The following AGTPBP1 variants were observed in gnomAD, a reference collection of about 807,000 sequenced individuals.
The protein encoded by AGTPBP1 is cytosolic carboxypeptidase 1.
AGTPBP1 carries 70 observed loss-of-function variants against 143.9 expected under a neutral mutation model. That is an observed-to-expected ratio of 0.49 (90% confidence interval 0.40 to 0.59). The LOEUF (loss-of-function observed/expected upper bound fraction) is 0.59. Ranked by LOEUF, AGTPBP1 falls within the 20% of genes least tolerant of loss-of-function variation. The pLI, the probability that AGTPBP1 is intolerant of heterozygous loss-of-function variation, is 0.00. For synonymous variants in AGTPBP1, 463 were observed against 500.2 expected (o/e 0.93, Z 0.99); for missense variants, 1,229 against 1,464.5 (o/e 0.84, Z 2.62).
the AGTPBP1 span, among the ~76,000 whole-genome samples, chr9:85,762,899 C>G: frequency 1.7e-4 from 26 of 149,942 alleles, no homozygotes; most frequent in African/African-American, 4.9e-4. Context: ...CCATCAAGGG[C>G]CCAGCAAAAT....
At chr9:85,768,536 A>T in the AGTPBP1 span, among the ~76,000 whole-genome samples, 1 of 152,170 alleles carries the variant, frequency 6.6e-6, no homozygotes, top group African/African-American at 2.4e-5. Context: ...TATTGATGAT[A>T]AGGACTTACT....
chr9:85,723,520 C>G (rs1838268583), intron 1 of AGTPBP1, among the ~76,000 whole-genome samples: 1 of 152,214 alleles, frequency 6.6e-6, no homozygotes, highest in Admixed American at 6.5e-5. Context: ...AGGGAATTTC[C>G]TGGTCTGTGG....
chr9:85,659,666 T>C (rs1417615186), intron 9 of AGTPBP1, among the ~76,000 whole-genome samples: 2 of 152,142 alleles, frequency 1.3e-5, no homozygotes, highest in African/African-American at 2.4e-5. Flanking sequence ...TATGAGAATT[T>C]TGGCTTTTAC....
chr9:85,743,024 G>A (rs1273479169), upstream of AGTPBP1, among the ~76,000 whole-genome samples: 1 of 152,130 alleles, frequency 6.6e-6, no homozygotes, highest in East Asian at 1.9e-4. Flanking sequence ...TCTTTATTCA[G>A]ATGAACAAGA....
At chr9:85,592,368 T>C (rs941649940) in intron 19 of AGTPBP1, among the ~76,000 whole-genome samples, 192 bp downstream of exon 19, 1 of 152,126 alleles carries the variant, frequency 6.6e-6, no homozygotes, top group Non-Finnish European at 1.5e-5. Flanking sequence ...TTATGTTATA[T>C]TTAACTAAAC....
At chr9:85,742,153 G>A (rs548685333), upstream of AGTPBP1, 3 of 667,772 alleles carry the variant, frequency 4.5e-6, no homozygotes, top group East Asian at 1.0e-4. Flanking sequence ...CTGACGGGAG[G>A]GAGCGCGCGC....
Position 85,728,030 on chromosome 9 carries a change from TACACACACACACAC to T in AGTPBP1, c.-34+13731_-34+13744del, listed in dbSNP as rs57676033. Among the ~76,000 whole-genome samples the T allele has an allele frequency of 7.4e-3, 947 of 128,412 alleles. 16 individuals are homozygous for T. Among genetic ancestry groups the T allele is most frequent in the Middle Eastern group, 0.023 (6 of 260 alleles). The allele number at this position is 128,412 out of a possible 152,430, so 84.2% of individuals were successfully genotyped here. A position where few individuals can be genotyped will look rare whatever the true frequency, so the allele number is the denominator to read the frequency against. Reference sequence around the variant, plus strand: ...CCGTGTCTCAAAATATATATTTATATACACACACACACACACACACACACACACACACACACACA... The same window carrying T: ...CCGTGTCTCAAAATATATATTTATATACACACACACACACACACACACACA... On this transcript the variant is annotated intron_variant, in intron 1 of 25. Transcript: ENST00000357081.
the AGTPBP1 span, among the ~76,000 whole-genome samples, chr9:85,789,837 T>G: frequency 2.6e-5 from 4 of 152,218 alleles, no homozygotes; most frequent in Non-Finnish European, 5.9e-5. Context: ...TATTAAGTTT[T>G]GGAATGACTA....
In AGTPBP1 at chr9:85,625,904, GTT is replaced by G. The variant is rs368474275; in HGVS notation, c.2016-4621_2016-4620del. 1.0e-4 allele frequency among the ~76,000 whole-genome samples: 11 copies of G among 105,732 alleles called. No individual in the cohort carries two copies. In the South Asian group the frequency reaches 3.0e-3, roughly 29 times the overall value. 69.4% of individuals were successfully genotyped at this position (105,732 alleles called of 152,430 possible). On this transcript the variant is annotated intron_variant, in intron 14 of 25. Coordinates refer to ENST00000357081, the MANE Select transcript of AGTPBP1 (RefSeq NM_001330701.2). Reference sequence around the variant, plus strand: ...TGTCTCAAAAAAAAAACCTAGTTTTGTTTTTTTTTTTTTTTTTTTTAGGATAT... The same window carrying G: ...TGTCTCAAAAAAAAAACCTAGTTTTGTTTTTTTTTTTTTTTTTTAGGATAT...
At chr9:85,613,778 C>G (rs1564064839) in intron 17 of AGTPBP1, among the ~76,000 whole-genome samples, 1 of 151,962 alleles carries the variant, frequency 6.6e-6, no homozygotes, top group Non-Finnish European at 1.5e-5. Context: ...AGCCTCCTTC[C>G]AAAACTAGAC....
intron 3 of AGTPBP1, among the ~76,000 whole-genome samples, chr9:85,686,973 T>C (rs1835523486): frequency 6.6e-6 from 1 of 152,136 alleles, no homozygotes; most frequent in Non-Finnish European, 1.5e-5. Flanking sequence ...GATCCAACAA[T>C]ATGTTATCTT....
chr9:85,587,335 C>T (rs891994539), intron 21 of AGTPBP1, among the ~76,000 whole-genome samples: 1 of 152,118 alleles, frequency 6.6e-6, no homozygotes, highest in Non-Finnish European at 1.5e-5. Context: ...TGTTAGCATG[C>T]TATATCTTGA....
chr9:85,803,125 A>G, the AGTPBP1 span, among the ~76,000 whole-genome samples: 436 of 152,304 alleles, frequency 2.9e-3, no homozygotes, highest in Admixed American at 4.2e-3. Flanking sequence ...TTATCTCGAC[A>G]TGTCCCATAT....
chr9:85,699,968 C>T (rs149554317), intron 2 of AGTPBP1, among the ~76,000 whole-genome samples: 240 of 152,212 alleles, frequency 1.6e-3, no homozygotes, highest in African/African-American at 5.5e-3. Flanking sequence ...GAGAGAAGAG[C>T]GGCAGTGTTT....
At chr9:85,764,589 A>G in the AGTPBP1 span, 24 of 560,034 alleles carry the variant, frequency 4.3e-5, no homozygotes, top group Admixed American at 7.0e-4. Context: ...GGAGAAAACA[A>G]TAATGTAAAA....
chr9:85,562,485 T>C (rs187225687), intron 25 of AGTPBP1, among the ~76,000 whole-genome samples: 118 of 152,222 alleles, frequency 7.8e-4, no homozygotes, highest in African/African-American at 2.7e-3. Flanking sequence ...AAATTTGTAA[T>C]ATTAACTCAC....
upstream of AGTPBP1, among the ~76,000 whole-genome samples, chr9:85,742,224 C>G (rs916575975): frequency 6.6e-6 from 1 of 152,096 alleles, no homozygotes; most frequent in Non-Finnish European, 1.5e-5. Flanking sequence ...CGCTGCCGGT[C>G]CCTTGTACCC....
At chr9:85,734,990 G>T (rs371431658) in intron 1 of AGTPBP1, among the ~76,000 whole-genome samples, 1 of 152,082 alleles carries the variant, frequency 6.6e-6, no homozygotes, top group Non-Finnish European at 1.5e-5. Context: ...AGCTGAGATC[G>T]CGCCACTGCC....
intron 17 of AGTPBP1, among the ~76,000 whole-genome samples, chr9:85,615,945 C>A (rs1830578795): frequency 6.6e-6 from 1 of 151,868 alleles, no homozygotes; most frequent in African/African-American, 2.4e-5. Context: ...CACTGGATGT[C>A]TCTTAAAACT....
Sources: gnomAD v4.1 joint callset for allele counts (sites outside exome capture counted in the v4.1 genomes callset) on GRCh38, gnomAD v4.1.1 for gene constraint, MANE v1.5 for transcripts, NCBI Gene and HGNC (gene_info 2026-07-23, HGNC 2026-07-21) for gene names.